The following OGG1 variants were observed in gnomAD, a reference collection of about 807,000 sequenced individuals.
OGG1 encodes the protein 8-oxoguanine DNA glycosylase.
In OGG1, 35 loss-of-function variants were observed where a neutral mutation model predicts 42.3. The observed-to-expected ratio is 0.83, with a 90% CI of 0.63 to 1.10. The LOEUF (loss-of-function observed/expected upper bound fraction) is 1.10, where lower values mean the gene tolerates loss of function less well. Ranked by LOEUF, OGG1 falls within the 50% of genes least tolerant of loss-of-function variation. The probability of loss-of-function intolerance (pLI) is 0.00; values close to 1 mark genes in which losing one functional copy is unlikely to be tolerated. For missense variants in OGG1, 484 were observed against 446.7 expected (o/e 1.08, Z -0.75); for synonymous variants, 189 against 179.0 (o/e 1.06, Z -0.44).
downstream of OGG1, among the ~76,000 whole-genome samples, chr3:9,790,475 G>A (rs866116702): frequency 2.0e-5 from 3 of 152,134 alleles, no homozygotes; most frequent in Non-Finnish European, 4.4e-5. Context: ...GCACCCAATC[G>A]TGTTGTTTGG....
At chr3:9,767,921 C>A, downstream of OGG1, 3 of 1,266,020 alleles carry the variant, frequency 2.4e-6, no homozygotes, top group Non-Finnish European at 3.1e-6. Flanking sequence ...AACAAACATT[C>A]ATTTGTTTAT....
chr3:9,750,843 T>G lies in OGG1; in HGVS notation c.138-102T>G, dbSNP rs890922245. The G allele has an allele frequency of 1.0e-5, 14 of 1,355,880 alleles. No individual in the cohort carries two copies. In the African/African-American group the frequency reaches 1.6e-4, roughly 15 times the overall value. 84.0% of individuals were successfully genotyped at this position (1,355,880 alleles called of 1,614,324 possible). A position where few individuals can be genotyped will look rare whatever the true frequency, so the allele number is the denominator to read the frequency against. Reference sequence around the variant, plus strand: ...TCAGACTGGAAGATAGCACTGTTACTTGTATTAGTTTCGTACATGGAGCTA... The same window carrying G: ...TCAGACTGGAAGATAGCACTGTTACGTGTATTAGTTTCGTACATGGAGCTA... On this transcript the variant is annotated intron_variant, in intron 1 of 6. Coordinates refer to ENST00000344629, the MANE Select transcript of OGG1 (RefSeq NM_002542.6).
At chr3:9,781,590 G>A (rs1169912499) in exon 3 of OGG1, 1 of 456,480 alleles carries the variant, frequency 2.2e-6, no homozygotes, top group South Asian at 1.5e-5. Flanking sequence ...GCAGCCTGAG[G>A]CTGACAGGAG....
At chr3:9,764,726 G>C (rs566785432) in intron 7 of OGG1, among the ~76,000 whole-genome samples, 1 of 145,824 alleles carries the variant, frequency 6.9e-6, no homozygotes, top group Non-Finnish European at 1.5e-5. Context: ...TCCACCTCTC[G>C]GGTTTAAGCA....
intron 3 of OGG1, 137 bp from the exon 4 acceptor site, chr3:9,754,567 C>G (rs1379891292): frequency 2.3e-6 from 2 of 879,820 alleles, no homozygotes; most frequent in Non-Finnish European, 1.8e-6. Flanking sequence ...AAAGTGTCCA[C>G]TATCCCATAG....
At chr3:9,750,471 C>T (rs769006704) in intron 1 of OGG1, 48 bp downstream of exon 1, 2 of 1,610,306 alleles carry the variant, frequency 1.2e-6, no homozygotes, top group Admixed American at 1.7e-5. Context: ...TGGCTCCTGC[C>T]GCCTCAACAC....
At chr3:9,759,050 ACCTGCTTCTCTAAATTGGGCT>A, downstream of OGG1, 1 of 772,092 alleles carries the variant, frequency 1.3e-6, no homozygotes, top group South Asian at 1.4e-5. Flanking sequence ...CTGGCCCCTT[ACCTGCTTCTCTAAATTGGGCT>A]CCTGCCTCTC....
chr3:9,754,588 G>A, intron 3 of OGG1, 116 bp from the exon 4 acceptor site: 2 of 1,080,902 alleles, frequency 1.9e-6, no homozygotes, highest in South Asian at 1.3e-5. Flanking sequence ...AGGGTGGGGA[G>A]GTAGGAGGGG....
intron 7 of OGG1, chr3:9,762,891 C>G (rs1192589045): frequency 6.2e-7 from 1 of 1,613,328 alleles, no homozygotes; most frequent in Non-Finnish European, 8.5e-7. Flanking sequence ...TACCCTAGCT[C>G]ACCACACCCC....
chr3:9,771,324 C>G (rs972653121), downstream of OGG1, among the ~76,000 whole-genome samples: 18 of 152,090 alleles, frequency 1.2e-4, no homozygotes, highest in African/African-American at 3.9e-4. Flanking sequence ...TGCACCTGGC[C>G]AATTTATTAT....
exon 3 of OGG1, chr3:9,781,547 G>A (rs1049368545): frequency 1.5e-5 from 7 of 456,410 alleles, no homozygotes; most frequent in East Asian, 6.9e-5. Flanking sequence ...TGCTTACGTC[G>A]GCATCTGCAT....
downstream of OGG1, among the ~76,000 whole-genome samples, chr3:9,769,308 C>T (rs1042640764): frequency 6.6e-6 from 1 of 152,032 alleles, no homozygotes; most frequent in Non-Finnish European, 1.5e-5. Context: ...TCTACCCCAT[C>T]CCCTGGAAGC....
chr3:9,761,823 C>A, downstream of OGG1: 1 of 1,586,280 alleles, frequency 6.3e-7, no homozygotes, highest in Non-Finnish European at 8.6e-7. Context: ...AACCTTCTGC[C>A]GCTCCAAGCA....
downstream of OGG1, chr3:9,767,712 G>A (rs920145784): frequency 1.4e-5 from 22 of 1,613,976 alleles, no homozygotes; most frequent in East Asian, 2.7e-4. Context: ...AATGTCCTCC[G>A]CCTGCTTCCA....
intron 7 of OGG1, among the ~76,000 whole-genome samples, chr3:9,764,876 G>C (rs1036673085): frequency 6.6e-6 from 1 of 152,012 alleles, no homozygotes; most frequent in African/African-American, 2.4e-5. Context: ...GGAAGGCTCA[G>C]CTCTGCCACA....
In OGG1 at chr3:9,763,343, T is replaced by A. The variant is rs530389184; in HGVS notation, c.1049-2466T>A. On this transcript the variant is annotated intron_variant, in intron 7 of 7. Transcript: ENST00000302008. Reference sequence around the variant, plus strand: ...AGCAGTTCAAAGCTGCAGTCTGTTATGATTGCACCTGTGACTAGCCACTGC... The same window carrying A: ...AGCAGTTCAAAGCTGCAGTCTGTTAAGATTGCACCTGTGACTAGCCACTGC... The A allele has an allele frequency of 2.2e-5, 23 of 1,050,630 alleles. No individual in the cohort carries two copies. In the Admixed American group the frequency reaches 3.0e-4, roughly 13 times the overall value. 65.1% of individuals were successfully genotyped at this position (1,050,630 alleles called of 1,614,324 possible).
intron 2 of OGG1, chr3:9,780,390 C>T: frequency 1.2e-6 from 2 of 1,613,574 alleles, no homozygotes; most frequent in Non-Finnish European, 1.7e-6. Flanking sequence ...TGCTCTCACG[C>T]TCCTTCAGAG....
chr3:9,765,354 T>C (rs747290220), intron 7 of OGG1, among the ~76,000 whole-genome samples: 1 of 152,044 alleles, frequency 6.6e-6, no homozygotes, highest in Non-Finnish European at 1.5e-5. Context: ...CATAGACCAG[T>C]TGGTTGTGGA....
chr3:9,756,856 C>G, intron 6 of OGG1, 40 bp downstream of exon 6: 1 of 1,612,896 alleles, frequency 6.2e-7, no homozygotes, highest in Non-Finnish European at 8.5e-7. Flanking sequence ...TTCCTCTCCT[C>G]CAGCCCAGAC....
Sources: allele counts gnomAD v4.1 joint callset (sites outside exome capture counted in the v4.1 genomes callset), GRCh38; gene constraint gnomAD v4.1.1; transcripts MANE v1.5; gene names NCBI Gene and HGNC (gene_info 2026-07-23, HGNC 2026-07-21).